Variants in RALGAPA1 observed in about 807,000 individuals in gnomAD.
RALGAPA1 encodes Ral GTPase activating protein catalytic subunit alpha 1.
RALGAPA1 carries 52 observed loss-of-function variants against 269.6 expected under a neutral mutation model. The ratio of observed to expected loss-of-function variants is 0.19; its 90% confidence interval spans 0.15 to 0.24. RALGAPA1 has a LOEUF of 0.24. Among genes scored for constraint, RALGAPA1 ranks in the 10% least tolerant of loss-of-function variants. RALGAPA1 has a pLI of 1.00. For missense variants in RALGAPA1, 1,917 were observed against 3,013.9 expected, an observed-to-expected ratio of 0.64 and a Z score of 8.52; for synonymous variants, 817 against 1,008.3, an observed-to-expected ratio of 0.81 and a Z score of 3.60.
intron 35 of RALGAPA1, among the ~76,000 whole-genome samples, chr14:35,613,596 G>A (rs1301599775): frequency 1.3e-5 from 2 of 152,178 alleles, no homozygotes; most frequent in Non-Finnish European, 2.9e-5. Context: ...GATTCTAGCT[G>A]TTGCTGACAA....
intron 5 of RALGAPA1, among the ~76,000 whole-genome samples, chr14:35,761,551 T>C (rs533527120): frequency 6.6e-6 from 1 of 152,332 alleles, no homozygotes; most frequent in Non-Finnish European, 1.5e-5. Flanking sequence ...TCTCTGCAAT[T>C]ATCTCATGTA....
At chr14:35,796,849 C>T (rs563805265) in intron 1 of RALGAPA1, among the ~76,000 whole-genome samples, 4 of 151,882 alleles carry the variant, frequency 2.6e-5, no homozygotes, top group East Asian at 3.9e-4. Context: ...GGCACGATCT[C>T]GGATCTTGGC....
At position 35,640,857 on chromosome 14, in the gene RALGAPA1, A is replaced by C. The variant is rs553282020; in HGVS notation, c.5677-5259T>G. Among the ~76,000 whole-genome samples, 5 of 152,296 alleles carry C rather than the reference A, an allele frequency of 3.3e-5. No homozygotes were observed. In the South Asian group the frequency reaches 1.0e-3, roughly 32 times the overall value. On this transcript the variant is annotated intron_variant, in intron 31 of 41. Transcript: ENST00000680220. Reference sequence around the variant, plus strand: ...AAAATACTAGCAAACCAAATTCAACAATGCATTAGAAATATCACTCACCAT... The same window carrying C: ...AAAATACTAGCAAACCAAATTCAACCATGCATTAGAAATATCACTCACCAT...
intron 39 of RALGAPA1, among the ~76,000 whole-genome samples, chr14:35,556,743 C>G (rs977897774): frequency 3.3e-5 from 5 of 152,156 alleles, no homozygotes; most frequent in Non-Finnish European, 7.4e-5. Context: ...AGGAGACAGG[C>G]AGGACACCTG....
At chr14:35,618,545 A>C (rs1270799911) in intron 35 of RALGAPA1, among the ~76,000 whole-genome samples, 1 of 152,166 alleles carries the variant, frequency 6.6e-6, no homozygotes, top group Non-Finnish European at 1.5e-5. Context: ...TTTCATCAGA[A>C]TCAGGAAAGA....
intron 37 of RALGAPA1, among the ~76,000 whole-genome samples, chr14:35,581,310 A>G (rs1468906371): frequency 6.6e-6 from 1 of 152,178 alleles, no homozygotes; most frequent in African/African-American, 2.4e-5. Flanking sequence ...AACGGGAAAC[A>G]TCAGTATATA....
rs1308345049 is a variant in RALGAPA1, at chr14:35,674,504, T to C, written c.4818+12A>G. 1.9e-6 allele frequency: 3 copies of C among 1,596,518 alleles called. No homozygotes were observed. The highest frequency in any genetic ancestry group is 2.6e-6 in the Non-Finnish European group (3 of 1,171,292). On this transcript the variant is annotated intron_variant, in intron 23 of 41. Transcript: ENST00000680220. Reference sequence around the variant, plus strand: ...TTTTCTTCTCCACTTATATCCGCTATTTCTTTTTTACCTTAGCTAGATTCT... The same window carrying C: ...TTTTCTTCTCCACTTATATCCGCTACTTCTTTTTTACCTTAGCTAGATTCT...
chr14:35,607,831 AC>A (rs1472309529), intron 35 of RALGAPA1, among the ~76,000 whole-genome samples: 1 of 152,226 alleles, frequency 6.6e-6, no homozygotes, highest in African/African-American at 2.4e-5. Context: ...GAATCAGGAA[AC>A]GAGACAGCCA....
At chr14:35,541,530 C>T (rs2053997263) in intron 41 of RALGAPA1, among the ~76,000 whole-genome samples, 1 of 152,116 alleles carries the variant, frequency 6.6e-6, no homozygotes, top group Non-Finnish European at 1.5e-5. Context: ...AAACATATTT[C>T]TGTTCACCTT....
intron 1 of RALGAPA1, among the ~76,000 whole-genome samples, chr14:35,796,854 C>A (rs913132613): frequency 2.6e-5 from 4 of 151,964 alleles, no homozygotes; most frequent in Non-Finnish European, 5.9e-5. Context: ...GATCTCGGAT[C>A]TTGGCTCACT....
Position 35,689,653 on chromosome 14 carries a change from G to T in RALGAPA1, c.2758C>A (p.Leu920Ile). The T allele has an allele frequency of 7.9e-7, 1 of 1,270,850 alleles. No homozygotes were observed. Among genetic ancestry groups the T allele is most frequent in the African/African-American group, 1.5e-5 (1 of 64,850 alleles). The allele number at this position is 1,270,850 out of a possible 1,614,324, so 78.7% of individuals were successfully genotyped here. ...HLCHLIGPVELADSAFEQIQY... is the reference protein window; with the variant it reads ...HLCHLIGPVEIADSAFEQIQY... ...ATTTGTTCAAAAGCTGAATCTGCAA[G>T]TTCTACTGGACCTATTAAATGACAA... Residue 920 changes from leucine to isoleucine, a missense_variant, in exon 18 of 42, where the codon CTT (leucine) becomes ATT (isoleucine). Leu to Ile is a conservative substitution (Grantham distance 5). Coordinates refer to ENST00000680220, the MANE Select transcript of RALGAPA1 (RefSeq NM_001346249.2).
At chr14:35,554,277 C>T (rs1342223577) in intron 39 of RALGAPA1, among the ~76,000 whole-genome samples, 1 of 151,916 alleles carries the variant, frequency 6.6e-6, no homozygotes, top group Non-Finnish European at 1.5e-5. Flanking sequence ...AAAACGCCCA[C>T]CTGCCAGGTC....
In RALGAPA1 at chr14:35,706,608, C is replaced by T. The variant is rs547515166; in HGVS notation, c.2267-6306G>A. On this transcript the variant is annotated intron_variant, in intron 16 of 41. Transcript: ENST00000680220. ...TGTGTTGACTCTTCTGGCTCTTTTG[C>T]CTTTCCTTTTTTTTTTTTTTTTTTT... The T allele has an allele frequency of 8.5e-5, 12 of 140,950 alleles. No homozygotes were observed. The South Asian group carries it at 1.3e-3, about 16-fold the overall frequency. 8.7% of individuals were successfully genotyped at this position (140,950 alleles called of 1,614,324 possible). A position where few individuals can be genotyped will look rare whatever the true frequency, so the allele number is the denominator to read the frequency against.
At chr14:35,780,044 T>C (rs1488552472) in intron 1 of RALGAPA1, among the ~76,000 whole-genome samples, 2 of 151,728 alleles carry the variant, frequency 1.3e-5, no homozygotes, top group African/African-American at 2.4e-5. Context: ...GAGGTGGAGG[T>C]TGCAGTGAGT....
intron 37 of RALGAPA1, among the ~76,000 whole-genome samples, chr14:35,589,023 T>C (rs994638078): frequency 6.6e-6 from 1 of 152,136 alleles, no homozygotes; most frequent in African/African-American, 2.4e-5. Flanking sequence ...CAAACCATGA[T>C]CTCACTTTTA....
intron 37 of RALGAPA1, among the ~76,000 whole-genome samples, chr14:35,577,200 T>C (rs778228326): frequency 6.6e-6 from 1 of 152,158 alleles, no homozygotes; most frequent in African/African-American, 2.4e-5. Flanking sequence ...CTATAGTCTA[T>C]GGCCTGCTCC....
At chr14:35,583,472 T>C (rs370603404) in intron 37 of RALGAPA1, among the ~76,000 whole-genome samples, 1 of 151,986 alleles carries the variant, frequency 6.6e-6, no homozygotes, top group Non-Finnish European at 1.5e-5. Flanking sequence ...GGGACTACCA[T>C]GAAAGATGTA....
At chr14:35,653,896 G>GT (rs2140036742) in intron 30 of RALGAPA1, among the ~76,000 whole-genome samples, 1 of 152,262 alleles carries the variant, frequency 6.6e-6, no homozygotes, top group Non-Finnish European at 1.5e-5. Context: ...TAACTGGATG[G>GT]TATGTTTTCC....
chr14:35,612,013 C>G (rs1464791248), intron 35 of RALGAPA1, among the ~76,000 whole-genome samples: 1 of 152,036 alleles, frequency 6.6e-6, no homozygotes, highest in Admixed American at 6.5e-5. Context: ...ATAATGGTAT[C>G]AAGACATTTC....
Sources: gnomAD v4.1 joint callset for allele counts (sites outside exome capture counted in the v4.1 genomes callset) on GRCh38, gnomAD v4.1.1 for gene constraint, MANE v1.5 for transcripts, NCBI Gene and HGNC (gene_info 2026-07-23, HGNC 2026-07-21) for gene names.